Variants in PDGFD observed in about 807,000 individuals in gnomAD.
PDGFD encodes platelet derived growth factor D, also known as platelet-derived growth factor D.
A neutral mutation model predicts 44.7 loss-of-function variants in PDGFD; 30 were observed. The ratio of observed to expected loss-of-function variants is 0.67; its 90% CI spans 0.50 to 0.91. PDGFD has a LOEUF of 0.91. Among genes scored for constraint, PDGFD ranks in the 40% least tolerant of loss-of-function variants. The probability of loss-of-function intolerance (pLI) is 0.00; values close to 1 mark genes in which losing one functional copy is unlikely to be tolerated. For synonymous variants in PDGFD, 173 were observed against 168.4 expected (o/e 1.03, Z -0.21); for missense variants, 445 against 457.8 (o/e 0.97, Z 0.25).
intron 1 of PDGFD, among the ~76,000 whole-genome samples, chr11:104,152,274 G>C (rs1395253307): frequency 6.6e-6 from 1 of 152,058 alleles, no homozygotes; most frequent in Non-Finnish European, 1.5e-5. Context: ...ATTCTAGCTT[G>C]TTTTTTAATT....
At chr11:104,090,877 CAGG>C (rs1861203095) in intron 1 of PDGFD, among the ~76,000 whole-genome samples, 2 of 151,964 alleles carry the variant, frequency 1.3e-5, no homozygotes, top group Admixed American at 1.3e-4. Flanking sequence ...GGGTCTTTTC[CAGG>C]AGAAGTTCCC....
Position 104,020,316 on chromosome 11 carries a change from T to TA in PDGFD, c.125-20062dup, listed in dbSNP as rs1316590191. On this transcript the variant is annotated intron_variant, in intron 1 of 6. Transcript: ENST00000393158. ...TTTGAGATGACTGTGACTGTGGACG[T>TA]AATACTGAAAATATAAACTCCACAA... Among the ~76,000 whole-genome samples, 3 of 152,254 alleles carry TA rather than the reference T, an allele frequency of 2.0e-5. No homozygotes were observed. The East Asian group carries it at 5.8e-4, about 29-fold the overall frequency.
chr11:104,030,712 A>G (rs563417441), intron 1 of PDGFD, among the ~76,000 whole-genome samples: 1 of 152,322 alleles, frequency 6.6e-6, no homozygotes, highest in East Asian at 1.9e-4. Context: ...GTGAAGAGAA[A>G]GAGGTCAAGC....
At chr11:104,080,606 T>C (rs1861031211) in intron 1 of PDGFD, among the ~76,000 whole-genome samples, 1 of 152,190 alleles carries the variant, frequency 6.6e-6, no homozygotes, top group Non-Finnish European at 1.5e-5. Context: ...CTGGCGTATG[T>C]TGGAGGAGCC....
At chr11:104,052,553 C>T (rs946547776) in intron 1 of PDGFD, among the ~76,000 whole-genome samples, 3 of 151,808 alleles carry the variant, frequency 2.0e-5, no homozygotes, top group African/African-American at 7.3e-5. Context: ...AGGGAAGGTG[C>T]TCAGTAAGTG....
At chr11:104,126,845 C>A (rs1423560704) in intron 1 of PDGFD, among the ~76,000 whole-genome samples, 12 of 142,722 alleles carry the variant, frequency 8.4e-5, no homozygotes, top group African/African-American at 3.0e-4. Flanking sequence ...GGAAAGCACT[C>A]CAATTTAGAA....
At chr11:104,110,235 G>T (rs1861532782) in intron 1 of PDGFD, among the ~76,000 whole-genome samples, 1 of 151,978 alleles carries the variant, frequency 6.6e-6, no homozygotes, top group Non-Finnish European at 1.5e-5. Context: ...TGAATTGTTA[G>T]AAGTGCTGCC....
chr11:103,937,570 T>TACTTTAAGTTTTAG (rs57569570), intron 5 of PDGFD, among the ~76,000 whole-genome samples: 6,025 of 152,206 alleles, frequency 0.04, 183 homozygotes, highest in African/African-American at 0.081. Context: ...ATGATTATTA[T>TACTTTAAGTTTTAG]ACTTTAAGTT....
intron 1 of PDGFD, among the ~76,000 whole-genome samples, chr11:104,027,426 G>T (rs1171855644): frequency 6.6e-6 from 1 of 152,148 alleles, no homozygotes; most frequent in Non-Finnish European, 1.5e-5. Context: ...ACATACTTTG[G>T]TAGAGTGCTT....
intron 5 of PDGFD, among the ~76,000 whole-genome samples, chr11:103,931,080 G>A (rs1227062388): frequency 1.3e-5 from 2 of 152,118 alleles, no homozygotes; most frequent in Non-Finnish European, 2.9e-5. Context: ...TCTAGTTTCT[G>A]TAGGACAGAT....
At chr11:104,087,412 T>C (rs1861147965) in intron 1 of PDGFD, among the ~76,000 whole-genome samples, 1 of 152,026 alleles carries the variant, frequency 6.6e-6, no homozygotes, top group Non-Finnish European at 1.5e-5. Context: ...CTTCACCATG[T>C]TGGTCAGGCT....
In PDGFD at chr11:104,064,656, AAAG is replaced by A. The variant is rs145012244; in HGVS notation, c.125-64404_125-64402del. Among the ~76,000 whole-genome samples the A allele has an allele frequency of 6.3e-3, 960 of 152,300 alleles. 23 individuals carry two copies. In the East Asian group the frequency reaches 0.065, roughly 10 times the overall value. ...TGAAAAGGAGGAAGGAAGGGAGACC[AAAG>A]AAGAAGAGGGCACATCACTCTAAAT... On this transcript the variant is annotated intron_variant, in intron 1 of 6. Coordinates refer to ENST00000393158, the MANE Select transcript of PDGFD (RefSeq NM_025208.5).
intron 1 of PDGFD, among the ~76,000 whole-genome samples, chr11:104,104,354 T>C (rs1427586838): frequency 6.6e-6 from 1 of 152,094 alleles, no homozygotes; most frequent in East Asian, 1.9e-4. Context: ...ATAAAGTCTA[T>C]ATAGTGTACA....
In PDGFD at chr11:104,129,997, T is replaced by A. The variant is rs576917418; in HGVS notation, c.124+33807A>T. Among the ~76,000 whole-genome samples the A allele has an allele frequency of 3.5e-5, 3 of 86,718 alleles. No individual in the cohort carries two copies. In the East Asian group the frequency reaches 1.8e-3, roughly 51 times the overall value. The allele number at this position is 86,718 out of a possible 152,430, so 56.9% of individuals were successfully genotyped here. A position where few individuals can be genotyped will look rare whatever the true frequency, so the allele number is the denominator to read the frequency against. ...GCACTCCAACCTGGGCAACAAGACC[T>A]CTGAAAAAAAAAAAAAAGGAGCTAA... On this transcript the variant is annotated intron_variant, in intron 1 of 6. Coordinates refer to ENST00000393158, the MANE Select transcript of PDGFD (RefSeq NM_025208.5).
At chr11:104,067,344 AAAATTATTCTGACAG>A (rs1311722205) in intron 1 of PDGFD, among the ~76,000 whole-genome samples, 1 of 152,212 alleles carries the variant, frequency 6.6e-6, no homozygotes, top group African/African-American at 2.4e-5. Flanking sequence ...AATGGATTGA[AAAATTATTCTGACAG>A]CATTAAACAG....
intron 1 of PDGFD, among the ~76,000 whole-genome samples, chr11:104,072,128 TTAG>T (rs1412839951): frequency 6.6e-6 from 1 of 151,928 alleles, no homozygotes; most frequent in Non-Finnish European, 1.5e-5. Flanking sequence ...TTAACTATGT[TTAG>T]TATTAATTTT....
chr11:103,922,521 CCT>C (rs776864507), intron 6 of PDGFD, among the ~76,000 whole-genome samples: 6 of 150,356 alleles, frequency 4.0e-5, no homozygotes, highest in Non-Finnish European at 3.0e-5. Context: ...GAGAGGTGCC[CCT>C]GTTATACCCA....
intron 1 of PDGFD, among the ~76,000 whole-genome samples, chr11:104,110,305 T>A (rs1861533623): frequency 6.6e-6 from 1 of 151,728 alleles, no homozygotes; most frequent in African/African-American, 2.4e-5. Context: ...GGTTTAAAAA[T>A]TTTTAAAAAT....
chr11:104,042,321 A>G (rs1777622212), intron 1 of PDGFD, among the ~76,000 whole-genome samples: 1 of 152,180 alleles, frequency 6.6e-6, no homozygotes, highest in South Asian at 2.1e-4. Flanking sequence ...TTCTTTCCAC[A>G]CCTGGGTCCA....
Sources: gnomAD v4.1 joint callset for allele counts (sites outside exome capture counted in the v4.1 genomes callset) on GRCh38, gnomAD v4.1.1 for gene constraint, MANE v1.5 for transcripts, NCBI Gene and HGNC (gene_info 2026-07-23, HGNC 2026-07-21) for gene names.